Variants in FBXL7 observed in about 807,000 individuals in gnomAD.
The protein encoded by FBXL7 is F-box/LRR-repeat protein 7.
A neutral mutation model predicts 38.3 loss-of-function variants in FBXL7; 12 were observed. The observed-to-expected ratio is 0.31, with a 90% CI of 0.20 to 0.51. FBXL7 has a LOEUF of 0.51. FBXL7 is among the 20% of genes least tolerant of loss of function. The probability of loss-of-function intolerance (pLI) is 0.98; values close to 1 mark genes in which losing one functional copy is unlikely to be tolerated. For synonymous variants in FBXL7, 297 were observed against 300.9 expected (o/e 0.99, Z 0.13); for missense variants, 567 against 676.4 (o/e 0.84, Z 1.79).
intron 2 of FBXL7, among the ~76,000 whole-genome samples, chr5:15,651,133 G>C (rs1044194948): frequency 1.6e-5 from 2 of 121,736 alleles, no homozygotes; most frequent in Admixed American, 2.0e-4. Flanking sequence ...GTCTTGCTCT[G>C]TTGCCCAGGC....
intron 2 of FBXL7, among the ~76,000 whole-genome samples, chr5:15,749,104 G>T (rs1695144181): frequency 6.6e-6 from 1 of 151,878 alleles, no homozygotes; most frequent in Non-Finnish European, 1.5e-5. Flanking sequence ...AATTAGCCGG[G>T]CATGGTGGCA....
chr5:15,722,825 A>T (rs898988085), intron 2 of FBXL7, among the ~76,000 whole-genome samples: 1 of 152,022 alleles, frequency 6.6e-6, no homozygotes, highest in African/African-American at 2.4e-5. Context: ...CGGAAGGCTG[A>T]GGCAGGAGAA....
intron 2 of FBXL7, among the ~76,000 whole-genome samples, chr5:15,773,649 A>G (rs532474408): frequency 2.6e-5 from 4 of 152,122 alleles, no homozygotes; most frequent in African/African-American, 7.2e-5. Context: ...TCTCAAAAAA[A>G]TTTTTTTTCC....
At chr5:15,785,796 C>T (rs924298579) in intron 2 of FBXL7, among the ~76,000 whole-genome samples, 3 of 152,220 alleles carry the variant, frequency 2.0e-5, no homozygotes, top group Non-Finnish European at 4.4e-5. Flanking sequence ...CCATCAAATC[C>T]TTTTAAGCCC....
At chr5:15,842,307 G>T (rs1210701279) in intron 2 of FBXL7, among the ~76,000 whole-genome samples, 2 of 152,154 alleles carry the variant, frequency 1.3e-5, no homozygotes, top group Admixed American at 1.3e-4. Flanking sequence ...CATCAGACTT[G>T]CATGGGACCT....
chr5:15,928,263 C>A lies in FBXL7; in HGVS notation c.501C>A (p.Asp167Glu). 6.2e-7 allele frequency: 1 copy of A among 1,612,330 alleles called. No individual in the cohort carries two copies. Among genetic ancestry groups the A allele is most frequent in the Non-Finnish European group, 8.5e-7 (1 of 1,179,218 alleles). Reference sequence around the variant, plus strand: ...TGACGGGCGAGACCATCAACGTGGACCGCGCCCTCAAGGTGCTGACCCGCA... The same window carrying A: ...TGACGGGCGAGACCATCAACGTGGAACGCGCCCTCAAGGTGCTGACCCGCA... ...IRLTGETINVDRALKVLTRRL... is the reference protein window; with the variant it reads ...IRLTGETINVERALKVLTRRL... Residue 167 changes from aspartate (D) to glutamate (E), a missense_variant, in exon 3 of 4, where the codon GAC (aspartate) becomes GAA (glutamate). Transcript: ENST00000504595. The surrounding 1 kb of genome is among the most constrained non-coding windows in gnomAD (Gnocchi z 4.0).
chr5:15,811,431 A>G (rs938596346), intron 2 of FBXL7, among the ~76,000 whole-genome samples: 1 of 152,108 alleles, frequency 6.6e-6, no homozygotes, highest in African/African-American at 2.4e-5. Context: ...GTGTGTGTAT[A>G]CCTGTGTCCT....
chr5:15,618,733 A>G (rs1404693923), intron 2 of FBXL7, among the ~76,000 whole-genome samples: 1 of 152,226 alleles, frequency 6.6e-6, no homozygotes, highest in East Asian at 1.9e-4. Context: ...CAGAAGGCAG[A>G]CACTGACTTC....
chr5:15,790,867 T>C (rs190248501), intron 2 of FBXL7, among the ~76,000 whole-genome samples: 1 of 152,298 alleles, frequency 6.6e-6, no homozygotes, highest in African/African-American at 2.4e-5. Flanking sequence ...AGAATGGTTC[T>C]CTGAAGACAT....
At chr5:15,504,337 G>A (rs1008428510) in intron 1 of FBXL7, among the ~76,000 whole-genome samples, 4 of 152,204 alleles carry the variant, frequency 2.6e-5, no homozygotes, top group African/African-American at 9.7e-5. Flanking sequence ...TAACAGGGAA[G>A]TTAAGACTGT....
chr5:15,576,533 G>A (rs1738974701), intron 1 of FBXL7, among the ~76,000 whole-genome samples: 1 of 152,154 alleles, frequency 6.6e-6, no homozygotes, highest in African/African-American at 2.4e-5. Context: ...TTATTAATGA[G>A]CAAGAAGCTA....
intron 2 of FBXL7, among the ~76,000 whole-genome samples, chr5:15,725,105 T>C (rs1016884290): frequency 6.6e-6 from 1 of 152,236 alleles, no homozygotes; most frequent in South Asian, 2.1e-4. Context: ...GATTTATTAA[T>C]TGACATTTTC....
intron 2 of FBXL7, among the ~76,000 whole-genome samples, chr5:15,670,935 A>G (rs1252601811): frequency 6.6e-6 from 1 of 152,168 alleles, no homozygotes; most frequent in African/African-American, 2.4e-5. Flanking sequence ...GTCTTTCCAA[A>G]CATCCTCAGC....
chr5:15,897,867 T>C (rs183022972), intron 2 of FBXL7, among the ~76,000 whole-genome samples: 1 of 152,252 alleles, frequency 6.6e-6, no homozygotes, highest in Non-Finnish European at 1.5e-5. Flanking sequence ...ATTAATCCAA[T>C]GGGAATGGAC....
intron 2 of FBXL7, among the ~76,000 whole-genome samples, chr5:15,758,609 G>A (rs1170594861): frequency 2.6e-5 from 4 of 152,066 alleles, no homozygotes; most frequent in African/African-American, 9.7e-5. Flanking sequence ...TTAAAGAAAT[G>A]CATCTATTTA....
chr5:15,772,360 A>G (rs1474307556), intron 2 of FBXL7, among the ~76,000 whole-genome samples: 1 of 152,218 alleles, frequency 6.6e-6, no homozygotes, highest in Non-Finnish European at 1.5e-5. Context: ...GGCAGCTTAT[A>G]AGATTTCTGA....
At chr5:15,853,989 A>G (rs257741) in intron 2 of FBXL7, among the ~76,000 whole-genome samples, 89,851 of 152,076 alleles carry the variant, frequency 0.59, 26,811 homozygotes, top group Non-Finnish European at 0.64. Context: ...GATTGTTTTC[A>G]TCAACATCTA....
chr5:15,648,206 G>A (rs1029393923), intron 2 of FBXL7, among the ~76,000 whole-genome samples: 4 of 152,186 alleles, frequency 2.6e-5, no homozygotes, highest in African/African-American at 9.7e-5. Flanking sequence ...TGAACTCATT[G>A]AAGAATTGAA....
chr5:15,678,401 A>G (rs1174478093), intron 2 of FBXL7, among the ~76,000 whole-genome samples: 1 of 152,086 alleles, frequency 6.6e-6, no homozygotes, highest in Non-Finnish European at 1.5e-5. Context: ...TAAATTGCTT[A>G]CCGGTGTCAT....
Sources: allele counts gnomAD v4.1 joint callset (sites outside exome capture counted in the v4.1 genomes callset), GRCh38; gene constraint gnomAD v4.1.1; non-coding constraint Gnocchi (gnomAD v3.1); transcripts MANE v1.5; gene names NCBI Gene and HGNC (gene_info 2026-07-23, HGNC 2026-07-21).